Variants in KATNAL2 observed in about 807,000 individuals in gnomAD.
KATNAL2 encodes the protein katanin p60 ATPase-containing subunit A-like 2.
A neutral mutation model predicts 76.3 loss-of-function variants in KATNAL2; 52 were observed. The observed-to-expected ratio is 0.68, with a 90% CI of 0.55 to 0.86. KATNAL2 has a LOEUF of 0.86. Among genes scored for constraint, KATNAL2 ranks in the 40% least tolerant of loss-of-function variants. KATNAL2 has a pLI of 0.00. For missense variants in KATNAL2, 660 were observed against 668.9 expected, an observed-to-expected ratio of 0.99 and a Z score of 0.15; for synonymous variants, 243 against 244.2, an observed-to-expected ratio of 1.00 and a Z score of 0.05.
chr18:46,936,886 C>T (rs1437832784), intron 1 of KATNAL2, among the ~76,000 whole-genome samples: 2 of 152,072 alleles, frequency 1.3e-5, no homozygotes, highest in African/African-American at 2.4e-5. Flanking sequence ...ACCCGGGAGG[C>T]GGAGGTTGCA....
At chr18:47,031,505 G>T (rs923767336) in intron 3 of KATNAL2, among the ~76,000 whole-genome samples, 3 of 152,106 alleles carry the variant, frequency 2.0e-5, no homozygotes, top group East Asian at 3.8e-4. Flanking sequence ...CGGGGAATGG[G>T]GATTCGGGTG....
intron 1 of KATNAL2, chr18:46,919,971 C>T (rs1599265353): frequency 2.3e-6 from 2 of 860,910 alleles, no homozygotes; most frequent in East Asian, 6.2e-5. Context: ...CAATACAGCC[C>T]TGCCACAGAG....
At chr18:46,936,799 T>TA (rs1044778347) in intron 1 of KATNAL2, among the ~76,000 whole-genome samples, 8 of 151,754 alleles carry the variant, frequency 5.3e-5, no homozygotes, top group Non-Finnish European at 1.0e-4. Context: ...TAAAAATATT[T>TA]AAAAAATTAG....
chr18:47,072,612 A>G (rs188140628), intron 13 of KATNAL2, among the ~76,000 whole-genome samples: 41 of 152,160 alleles, frequency 2.7e-4, no homozygotes, highest in Admixed American at 2.6e-3. Flanking sequence ...AGCCCAGCTA[A>G]TTTTTGTGTA....
chr18:47,062,491 CA>C (rs1460779437), intron 8 of KATNAL2, among the ~76,000 whole-genome samples: 1 of 151,814 alleles, frequency 6.6e-6, no homozygotes, highest in East Asian at 1.9e-4. Context: ...TAAATTTATA[CA>C]AATTATATAC....
At chr18:46,937,926 AGATC>A (rs2059139935) in intron 1 of KATNAL2, among the ~76,000 whole-genome samples, 3 of 152,048 alleles carry the variant, frequency 2.0e-5, no homozygotes, top group Admixed American at 2.0e-4. Flanking sequence ...CAACATAGGG[AGATC>A]TCCCTTCATA....
At position 46,917,662 on chromosome 18, in the gene KATNAL2, C is replaced by T. The variant is rs1365691862; in HGVS notation, c.-774C>T. 2.0e-5 allele frequency: 13 copies of T among 641,224 alleles called. No individual in the cohort carries two copies. The highest frequency in any genetic ancestry group is 1.5e-3 in the Middle Eastern group (2 of 1,312). The allele number at this position is 641,224 out of a possible 1,614,324, so 39.7% of individuals were successfully genotyped here. On this transcript the variant is annotated 5_prime_UTR_variant, in exon 1 of 18. Transcript: ENST00000683218. The stretch of plus-strand genomic sequence containing the variant: ...CCGGCGTGCTGCCCCGCGGCTTGGC[C>T]CCGCTCGGCCCCAGGTCGTGCCTTC...
chr18:46,928,414 C>T (rs1055802981), intron 1 of KATNAL2, among the ~76,000 whole-genome samples: 2 of 152,148 alleles, frequency 1.3e-5, no homozygotes, highest in African/African-American at 4.8e-5. Context: ...TTGTGAACTG[C>T]AGATGCTGCT....
At chr18:47,066,385 C>T (rs2061793137) in intron 10 of KATNAL2, among the ~76,000 whole-genome samples, 1 of 152,114 alleles carries the variant, frequency 6.6e-6, no homozygotes, top group South Asian at 2.1e-4. Context: ...TAGATGGTTG[C>T]TACAGGGCTC....
intron 11 of KATNAL2, among the ~76,000 whole-genome samples, chr18:47,067,928 G>A (rs1197145128): frequency 1.3e-5 from 2 of 152,188 alleles, no homozygotes; most frequent in Non-Finnish European, 1.5e-5. Flanking sequence ...GACTGAAAAG[G>A]CTGGGACAAG....
At chr18:47,033,702 G>C (rs773662744) in intron 3 of KATNAL2, 7 of 1,614,082 alleles carry the variant, frequency 4.3e-6, no homozygotes, top group Non-Finnish European at 5.9e-6. Context: ...GGAGCTGGCA[G>C]GCAGGCCTGG....
intron 15 of KATNAL2, chr18:47,084,531 A>G (rs1401841190): frequency 9.6e-6 from 6 of 626,648 alleles, no homozygotes; most frequent in African/African-American, 9.1e-5. Flanking sequence ...GGTTTCCCCC[A>G]GCAGGGTTGC....
rs1372795162 is a variant in KATNAL2, at chr18:47,063,180, G to A, written c.649-104G>A. Reference sequence around the variant, plus strand: ...CCTTGAGATCAAGTTAAAGGCCATAGCCACCTGCCATCGTTTGTTTCACCA... The same window carrying A: ...CCTTGAGATCAAGTTAAAGGCCATAACCACCTGCCATCGTTTGTTTCACCA... On this transcript the variant is annotated intron_variant, in intron 9 of 17. Coordinates refer to ENST00000683218, the MANE Select transcript of KATNAL2 (RefSeq NM_001387690.1). 8 of 1,418,758 alleles carry A rather than the reference G, an allele frequency of 5.6e-6. No individual in the cohort carries two copies. The East Asian group carries it at 1.4e-4, about 24-fold the overall frequency. 87.9% of individuals were successfully genotyped at this position (1,418,758 alleles called of 1,614,324 possible).
chr18:47,074,191 T>C (rs1203423553), intron 13 of KATNAL2, among the ~76,000 whole-genome samples: 1 of 152,222 alleles, frequency 6.6e-6, no homozygotes, highest in African/African-American at 2.4e-5. Flanking sequence ...TCTCAGTTCA[T>C]TAAACTCAGC....
chr18:46,953,938 A>G (rs2059644859), intron 3 of KATNAL2, among the ~76,000 whole-genome samples: 1 of 152,070 alleles, frequency 6.6e-6, no homozygotes, highest in South Asian at 2.1e-4. Flanking sequence ...TTCCATTTCT[A>G]TGCTCTCCTT....
chr18:46,930,540 G>T (rs981809539), intron 1 of KATNAL2, among the ~76,000 whole-genome samples: 1 of 152,198 alleles, frequency 6.6e-6, no homozygotes, highest in Admixed American at 6.5e-5. Context: ...AGCAGGCCGG[G>T]TGCGACGGCT....
chr18:47,054,513 A>G (rs1044654603), intron 6 of KATNAL2, 75 bp downstream of exon 6: 5 of 1,403,498 alleles, frequency 3.6e-6, no homozygotes, highest in East Asian at 2.3e-5. Flanking sequence ...AAGCTTTACC[A>G]TCACAGCTCT....
intron 3 of KATNAL2, chr18:47,033,405 T>A: frequency 1.2e-6 from 2 of 1,614,208 alleles, no homozygotes; most frequent in Non-Finnish European, 1.7e-6. Flanking sequence ...TTGTCATTAC[T>A]CTCAGCCGCT....
intron 3 of KATNAL2, among the ~76,000 whole-genome samples, chr18:46,953,044 G>A (rs1016619169): frequency 2.0e-5 from 3 of 151,692 alleles, no homozygotes; most frequent in Non-Finnish European, 4.4e-5. Flanking sequence ...ACAGGCATGT[G>A]CCACCATGCC....
Sources: allele counts gnomAD v4.1 joint callset (sites outside exome capture counted in the v4.1 genomes callset), GRCh38; gene constraint gnomAD v4.1.1; transcripts MANE v1.5; gene names NCBI Gene and HGNC (gene_info 2026-07-23, HGNC 2026-07-21).